FAM118A: variants seen among roughly 807,000 people sequenced by gnomAD.
The protein encoded by FAM118A is protein FAM118A.
A neutral mutation model predicts 38.2 loss-of-function variants in FAM118A; 25 were observed. That is an observed-to-expected ratio of 0.65 (90% CI 0.48 to 0.91). The LOEUF (loss-of-function observed/expected upper bound fraction) is 0.91. Ranked by LOEUF, FAM118A falls within the 40% of genes least tolerant of loss-of-function variation. FAM118A has a pLI of 0.00. For missense variants in FAM118A, 425 were observed against 463.3 expected (o/e 0.92, Z 0.76); for synonymous variants, 178 against 184.1 (o/e 0.97, Z 0.27).
chr22:45,340,416 G>A lies in FAM118A; in HGVS notation c.*11G>A, dbSNP rs1308281023. ...GCTGGAGGGTCTTGAAATCTTTACA[G>A]TAAAACCTGCAACTTGAAAACTAGC... is the stretch of plus-strand genomic sequence containing the variant. On this transcript the variant is annotated 3_prime_UTR_variant, in exon 9 of 9. Transcript: ENST00000441876. 2 of 1,614,006 alleles carry A rather than the reference G, an allele frequency of 1.2e-6. No homozygotes were observed. The highest frequency in any genetic ancestry group is 1.7e-6 in the Non-Finnish European group (2 of 1,179,992).
rs780303172 is a variant in FAM118A at position 45,322,141 on chromosome 22, G to A, written c.-9-230G>A. The A allele has an allele frequency of 1.7e-5, 25 of 1,463,598 alleles. No individual in the cohort carries two copies. The South Asian group carries it at 2.8e-4, about 17-fold the overall frequency. 90.7% of individuals were successfully genotyped at this position (1,463,598 alleles called of 1,614,324 possible). On this transcript the variant is annotated intron_variant, in intron 1 of 8. Coordinates refer to ENST00000441876, the MANE Select transcript of FAM118A (RefSeq NM_017911.4). ...GCGTTTTCCTTCTGTGCTGTCCCGT[G>A]TAGAACAGCGAGAGTCCAACCAGCC...
intron 4 of FAM118A, chr22:45,328,726 T>C (rs1483758731): frequency 3.8e-6 from 2 of 525,318 alleles, no homozygotes; most frequent in Admixed American, 3.3e-5. Context: ...ATGGTTGCAG[T>C]GAGCTGAGAT....
chr22:45,338,231 CTTT>C (rs950918466), intron 8 of FAM118A, among the ~76,000 whole-genome samples: 77 of 117,418 alleles, frequency 6.6e-4, no homozygotes, highest in African/African-American at 1.7e-3. Flanking sequence ...TCTCTGATGT[CTTT>C]TTTTTTATTT....
chr22:45,322,433 A>G lies in FAM118A; in HGVS notation c.47+7A>G. On this transcript the variant is annotated splice_region_variant and intron_variant, in intron 2 of 8. Transcript: ENST00000441876. ...GAAGTGAACAAAAATCCAGGTAATT[A>G]AAGGCAACTATACCTTCAAGCAGCT... The G allele has an allele frequency of 1.9e-6, 3 of 1,608,846 alleles. No homozygotes were observed. The highest frequency in any genetic ancestry group is 2.5e-6 in the Non-Finnish European group (3 of 1,177,954).
intron 1 of FAM118A, among the ~76,000 whole-genome samples, chr22:45,316,080 C>G (rs1444149757): frequency 6.6e-6 from 1 of 152,212 alleles, no homozygotes; most frequent in East Asian, 1.9e-4. Context: ...TGCTCTGTCA[C>G]TCAGTGTGGA....
At chr22:45,335,264 C>A in intron 6 of FAM118A, 86 bp from the exon 7 acceptor site, 1 of 1,504,232 alleles carries the variant, frequency 6.6e-7, no homozygotes, top group Non-Finnish European at 9.2e-7. Flanking sequence ...CCAGTCCCTG[C>A]CGTTCCCAGT....
intron 3 of FAM118A, among the ~76,000 whole-genome samples, chr22:45,324,802 T>G (rs1428573459): frequency 1.3e-5 from 2 of 152,102 alleles, no homozygotes; most frequent in African/African-American, 4.8e-5. Flanking sequence ...ATCCCAGCAC[T>G]TTGGGAGGCC....
Position 45,336,356 on chromosome 22 carries a change from G to C in FAM118A, c.999G>C (p.Arg333Ser), listed in dbSNP as rs769041987. 2 of 1,613,994 alleles carry C rather than the reference G, an allele frequency of 1.2e-6. No homozygotes were observed. The highest frequency in any genetic ancestry group is 2.2e-5 in the South Asian group (2 of 91,076). The change falls in exon 8 of 9, where the codon AGG becomes AGC. Residue 333 changes from arginine to serine, a missense_variant. Transcript: ENST00000441876. ...ATGCATGCCAGGACTGTGCAAAGAG[G>C]AAGTTAGAAGAGAATGGAATTGAAG... ...LGNACQDCAKRKLEENGIEVS... is the reference protein window; with the variant it reads ...LGNACQDCAKSKLEENGIEVS...
At chr22:45,317,574 G>A (rs1372181665) in intron 1 of FAM118A, among the ~76,000 whole-genome samples, 2 of 152,140 alleles carry the variant, frequency 1.3e-5, no homozygotes, top group Non-Finnish European at 2.9e-5. Flanking sequence ...ACAGAGCCTC[G>A]TGATGTTCGT....
intron 5 of FAM118A, among the ~76,000 whole-genome samples, chr22:45,331,282 C>A (rs2085697533): frequency 6.6e-6 from 1 of 152,120 alleles, no homozygotes; most frequent in South Asian, 2.1e-4. Context: ...TGGGATCGCA[C>A]CACTGCACTC....
intron 8 of FAM118A, among the ~76,000 whole-genome samples, chr22:45,339,178 G>A (rs984569806): frequency 3.3e-5 from 5 of 152,198 alleles, no homozygotes; most frequent in African/African-American, 1.2e-4. Flanking sequence ...GCTGAGGCAG[G>A]TGAATCACCT....
chr22:45,338,884 T>C (rs9626309), intron 8 of FAM118A, among the ~76,000 whole-genome samples: 1,743 of 152,330 alleles, frequency 0.011, 29 homozygotes, highest in African/African-American at 0.04. Flanking sequence ...GTCCATGTTA[T>C]AAAGATTCTT....
chr22:45,320,474 C>T (rs887974844), intron 1 of FAM118A, among the ~76,000 whole-genome samples: 2 of 149,586 alleles, frequency 1.3e-5, no homozygotes, highest in Middle Eastern at 6.8e-3. Flanking sequence ...TCTCACTCTG[C>T]GACCCAGGCT....
chr22:45,337,508 GTTC>G (rs1368415819), intron 8 of FAM118A, among the ~76,000 whole-genome samples: 1 of 151,940 alleles, frequency 6.6e-6, no homozygotes, highest in African/African-American at 2.4e-5. Flanking sequence ...GAGTTTTTAG[GTTC>G]TTCTTTCCCC....
intron 6 of FAM118A, 94 bp downstream of exon 6, chr22:45,332,804 T>C: frequency 5.9e-6 from 8 of 1,364,680 alleles, no homozygotes; most frequent in Non-Finnish European, 7.9e-6. Context: ...TGGAGTGCAA[T>C]GGCACCATCT....
At chr22:45,331,147 T>C (rs2085686237) in intron 5 of FAM118A, among the ~76,000 whole-genome samples, 1 of 152,136 alleles carries the variant, frequency 6.6e-6, no homozygotes, top group Admixed American at 6.5e-5. Context: ...TTCTCTGCTC[T>C]CCTTCCTGTA....
At chr22:45,316,452 A>G (rs1208722169) in intron 1 of FAM118A, among the ~76,000 whole-genome samples, 1 of 152,154 alleles carries the variant, frequency 6.6e-6, no homozygotes, top group Non-Finnish European at 1.5e-5. Flanking sequence ...AAGGGAGAGG[A>G]GGATATTAAT....
rs545692216 is a variant in FAM118A at position 45,337,366 on chromosome 22, C to A, written c.1054+955C>A. ...TTGTGTCTGTGGGCCCAGTGCCACG[C>A]CGCCTGTGCCAGCTGCGGATGTGTC... On this transcript the variant is annotated intron_variant, in intron 8 of 8. Transcript: ENST00000441876. 2.9e-4 allele frequency among the ~76,000 whole-genome samples: 44 copies of A among 152,346 alleles called. 1 individual carries two copies. The South Asian group carries it at 9.1e-3, about 32-fold the overall frequency.
At chr22:45,339,938 T>C (rs944299263) in intron 8 of FAM118A, among the ~76,000 whole-genome samples, 4 of 152,224 alleles carry the variant, frequency 2.6e-5, no homozygotes, top group Admixed American at 1.3e-4. Flanking sequence ...CACCCAGTCA[T>C]GTCTCCTTAG....
Sources: allele counts gnomAD v4.1 joint callset (sites outside exome capture counted in the v4.1 genomes callset), GRCh38; gene constraint gnomAD v4.1.1; transcripts MANE v1.5; gene names NCBI Gene and HGNC (gene_info 2026-07-23, HGNC 2026-07-21).